Variants in CREBBP observed in about 807,000 individuals in gnomAD.
The protein encoded by CREBBP is CREB binding lysine acetyltransferase.
CREBBP carries 19 observed loss-of-function variants against 265.0 expected under a neutral mutation model. The observed-to-expected ratio is 0.07, with a 90% CI of 0.05 to 0.11. The LOEUF (loss-of-function observed/expected upper bound fraction) is 0.11. CREBBP is among the 10% of genes least tolerant of loss of function. CREBBP has a pLI of 1.00. For synonymous variants in CREBBP, 1,457 were observed against 1,223.7 expected (o/e 1.19, Z -3.98); for missense variants, 2,525 against 3,219.0 (o/e 0.78, Z 5.22).
chr16:3,802,965 G>A (rs1267288868), intron 3 of CREBBP, among the ~76,000 whole-genome samples: 2 of 151,894 alleles, frequency 1.3e-5, no homozygotes, highest in African/African-American at 4.8e-5. Context: ...CCCTCATAAG[G>A]ACCTACAACA....
In CREBBP at chr16:3,778,905, G is replaced by A. The variant is rs537600663; in HGVS notation, c.1824-88C>T. On this transcript the variant is annotated intron_variant, in intron 8 of 30. Coordinates refer to ENST00000262367, the MANE Select transcript of CREBBP (RefSeq NM_004380.3). The stretch of plus-strand genomic sequence containing the variant: ...GTTTCGTCCAGGCGCGGTGGCTCAC[G>A]CTTGTAATCCCAGCACTTTGGGAGG... 428 of 1,101,014 alleles carry A rather than the reference G, an allele frequency of 3.9e-4. 1 individual carries two copies. Among genetic ancestry groups the A allele is most frequent in the African/African-American group, 1.6e-3 (101 of 64,240 alleles). 68.2% of individuals were successfully genotyped at this position (1,101,014 alleles called of 1,614,324 possible).
At chr16:3,860,109 CTACT>C (rs2055043337) in intron 1 of CREBBP, among the ~76,000 whole-genome samples, 1 of 152,080 alleles carries the variant, frequency 6.6e-6, no homozygotes, top group Non-Finnish European at 1.5e-5. Context: ...CACCGAGTGC[CTACT>C]CGGTGTGTGT....
intron 3 of CREBBP, among the ~76,000 whole-genome samples, chr16:3,796,740 C>G (rs2053616127): frequency 6.6e-6 from 1 of 152,162 alleles, no homozygotes. Flanking sequence ...TATGTCAAAA[C>G]AGGATGGTTG....
intron 1 of CREBBP, among the ~76,000 whole-genome samples, chr16:3,873,919 T>C (rs570482400): frequency 6.6e-6 from 1 of 152,232 alleles, no homozygotes; most frequent in South Asian, 2.1e-4. Flanking sequence ...ACTAATTCCC[T>C]CAAATATTTC....
intron 3 of CREBBP, among the ~76,000 whole-genome samples, chr16:3,798,219 G>A (rs904364862): frequency 3.3e-5 from 5 of 152,154 alleles, no homozygotes; most frequent in African/African-American, 9.7e-5. Flanking sequence ...AGTGACAATC[G>A]TACCATTCAC....
intron 1 of CREBBP, among the ~76,000 whole-genome samples, chr16:3,877,404 G>A (rs765223588): frequency 5.3e-4 from 81 of 152,270 alleles, no homozygotes; most frequent in Middle Eastern, 3.4e-3. Context: ...CAGACAAAGT[G>A]TCCCTCGTTT....
rs746121736 is a variant in CREBBP, at chr16:3,728,438, TTGCTGCTGCTGC to T, written c.6597_6608del (p.Gln2213_Gln2216del). 6.2e-6 allele frequency: 10 copies of T among 1,612,514 alleles called. No homozygotes were observed. The highest frequency in any genetic ancestry group is 2.2e-5 in the East Asian group (1 of 44,860). On this transcript the variant is annotated inframe_deletion, in exon 31 of 31. Coordinates refer to ENST00000262367, the MANE Select transcript of CREBBP (RefSeq NM_004380.3). The surrounding 1 kb of genome is among the most constrained non-coding windows in gnomAD (Gnocchi z 8.7). Reference sequence around the variant, plus strand: ...GTTGCTGCTGTTGTTGCTGCTGCTGTTGCTGCTGCTGCTGCAGCAGCTGCCTCCGTAACATTT... The same window carrying T: ...GTTGCTGCTGTTGTTGCTGCTGCTGTTGCAGCAGCTGCCTCCGTAACATTT...
At chr16:3,857,142 A>C (rs1382292994) in intron 1 of CREBBP, among the ~76,000 whole-genome samples, 1 of 152,142 alleles carries the variant, frequency 6.6e-6, no homozygotes, top group Non-Finnish European at 1.5e-5. Flanking sequence ...TTTATGGTTT[A>C]TTCTAGTTCT....
intron 3 of CREBBP, 72 bp downstream of exon 3, chr16:3,810,531 G>T: frequency 6.4e-7 from 1 of 1,552,748 alleles, no homozygotes. Flanking sequence ...CTTTCACTGT[G>T]AGAATGGTAA....
At chr16:3,792,648 T>G (rs899304138) in intron 4 of CREBBP, among the ~76,000 whole-genome samples, 1 of 152,216 alleles carries the variant, frequency 6.6e-6, no homozygotes, top group Non-Finnish European at 1.5e-5. Flanking sequence ...ACAACAGGGT[T>G]ACTCTGGGGA....
chr16:3,808,346 T>A (rs13334803), intron 3 of CREBBP, among the ~76,000 whole-genome samples: 7,179 of 152,262 alleles, frequency 0.047, 443 homozygotes, highest in African/African-American at 0.14. Context: ...GTTGGTGCCT[T>A]GAGCCATTTT....
At chr16:3,822,995 G>A (rs1390910342) in intron 2 of CREBBP, among the ~76,000 whole-genome samples, 3 of 152,104 alleles carry the variant, frequency 2.0e-5, no homozygotes, top group African/African-American at 7.2e-5. Context: ...AGGTGACTCT[G>A]ATTACTGACA....
chr16:3,803,746 T>C (rs2053772940), intron 3 of CREBBP, among the ~76,000 whole-genome samples: 1 of 151,860 alleles, frequency 6.6e-6, no homozygotes, highest in Non-Finnish European at 1.5e-5. Context: ...CCCAGCATTC[T>C]ACCTAGAAGG....
rs541755292 is a variant in CREBBP at position 3,785,887 on chromosome 16, C to T, written c.1331-2961G>A. Among the ~76,000 whole-genome samples, 86 of 152,344 alleles carry T rather than the reference C, an allele frequency of 5.6e-4. 1 individual carries two copies. Among genetic ancestry groups the T allele is most frequent in the Non-Finnish European group, 6.9e-4 (47 of 68,038 alleles). On this transcript the variant is annotated intron_variant, in intron 5 of 30. Coordinates refer to ENST00000262367, the MANE Select transcript of CREBBP (RefSeq NM_004380.3). The stretch of plus-strand genomic sequence containing the variant: ...TCTTCTGGGCCCATCAGGCAACACT[C>T]CTGTCCCGGATATTTACCTCTTTAA...
At chr16:3,780,957 C>T (rs1035499385) in intron 7 of CREBBP, 79 bp from the exon 8 acceptor site, 3 of 1,524,748 alleles carry the variant, frequency 2.0e-6, no homozygotes, top group Non-Finnish European at 2.7e-6. Context: ...TCTTCTGCCA[C>T]CACATGTGAC....
At chr16:3,878,649 G>C (rs561397152) in intron 1 of CREBBP, among the ~76,000 whole-genome samples, 1 of 152,276 alleles carries the variant, frequency 6.6e-6, no homozygotes, top group East Asian at 1.9e-4. Flanking sequence ...TTGAACAGCT[G>C]TGTCTAGTGC....
intron 2 of CREBBP, among the ~76,000 whole-genome samples, chr16:3,815,708 G>C (rs1406022860): frequency 6.6e-6 from 1 of 151,760 alleles, no homozygotes; most frequent in Non-Finnish European, 1.5e-5. Flanking sequence ...TGGGTTACAT[G>C]AGTTTTTTTT....
chr16:3,797,888 A>G (rs1283409514), intron 3 of CREBBP, among the ~76,000 whole-genome samples: 2 of 152,224 alleles, frequency 1.3e-5, no homozygotes, highest in East Asian at 3.8e-4. Flanking sequence ...ACATAAACAC[A>G]TAATGGAGTT....
chr16:3,746,518 C>A (rs2052346480), intron 21 of CREBBP, among the ~76,000 whole-genome samples: 1 of 152,214 alleles, frequency 6.6e-6, no homozygotes, highest in South Asian at 2.1e-4. Flanking sequence ...TTTGACAACT[C>A]AGCCACTGAG....
Sources: gnomAD v4.1 joint callset for allele counts (sites outside exome capture counted in the v4.1 genomes callset) on GRCh38, gnomAD v4.1.1 for gene constraint, Gnocchi (gnomAD v3.1) non-coding constraint, MANE v1.5 for transcripts, NCBI Gene and HGNC (gene_info 2026-07-23, HGNC 2026-07-21) for gene names.